Variants in GRIK3 observed in about 807,000 individuals in gnomAD.
GRIK3 encodes the protein glutamate ionotropic receptor kainate type subunit 3, also known as glutamate receptor ionotropic, kainate 3.
Under a neutral mutation model 102.5 loss-of-function variants are expected in GRIK3, and 29 were observed. The observed-to-expected ratio is 0.28, with a 90% CI of 0.21 to 0.39. The LOEUF is 0.39. Among genes scored for constraint, GRIK3 ranks in the 10% least tolerant of loss-of-function variants. The probability of loss-of-function intolerance (pLI) is 1.00; values close to 1 mark genes in which losing one functional copy is unlikely to be tolerated. For synonymous variants in GRIK3, 511 were observed against 504.9 expected (o/e 1.01, Z -0.16); for missense variants, 908 against 1,252.4 (o/e 0.73, Z 4.15).
intron 2 of GRIK3, among the ~76,000 whole-genome samples, chr1:36,881,436 A>T (rs560618235): frequency 6.6e-6 from 1 of 152,212 alleles, no homozygotes; most frequent in East Asian, 1.9e-4. Context: ...CTTCACCTCC[A>T]TAAACAGCAG....
chr1:37,001,192 C>T (rs369559278), intron 1 of GRIK3, among the ~76,000 whole-genome samples: 25 of 152,322 alleles, frequency 1.6e-4, no homozygotes, highest in South Asian at 4.1e-4. Context: ...CTCAGAAAGA[C>T]GAGCTCCCAT....
intron 1 of GRIK3, among the ~76,000 whole-genome samples, chr1:36,903,406 G>A (rs1247902800): frequency 6.6e-6 from 1 of 152,198 alleles, no homozygotes; most frequent in Non-Finnish European, 1.5e-5. Context: ...TGAAAGAAAA[G>A]TTTTTCAATT....
chr1:36,904,156 A>G lies in GRIK3; in HGVS notation c.116-13060T>C, dbSNP rs1252315230. Among the ~76,000 whole-genome samples, 7 of 152,356 alleles carry G rather than the reference A, an allele frequency of 4.6e-5. No homozygotes were observed. The East Asian group carries it at 1.3e-3, about 29-fold the overall frequency. ...CCAAAAAATAAAATCTATTAAAAAG[A>G]AAAAAGGGTAATATTTTAACACGTG... On this transcript the variant is annotated intron_variant, in intron 1 of 15. Transcript: ENST00000373091.
At chr1:36,922,352 C>T (rs966191599) in intron 1 of GRIK3, among the ~76,000 whole-genome samples, 2 of 152,164 alleles carry the variant, frequency 1.3e-5, no homozygotes, top group South Asian at 2.1e-4. Context: ...AGGTACCACC[C>T]GCCCCCTTAA....
At chr1:37,019,556 C>G (rs1642688578) in intron 1 of GRIK3, among the ~76,000 whole-genome samples, 1 of 152,128 alleles carries the variant, frequency 6.6e-6, no homozygotes, top group Non-Finnish European at 1.5e-5. Flanking sequence ...TTGGACCTAC[C>G]ATGAGGACAT....
chr1:36,851,502 G>A (rs1640584925), intron 8 of GRIK3, among the ~76,000 whole-genome samples: 1 of 152,266 alleles, frequency 6.6e-6, no homozygotes, highest in African/African-American at 2.4e-5. Context: ...AGCTCACTTT[G>A]AGCGTGCCTA....
At chr1:36,859,274 G>A in intron 6 of GRIK3, 23 bp from the exon 7 acceptor site, 1 of 1,587,452 alleles carries the variant, frequency 6.3e-7, no homozygotes, top group Non-Finnish European at 8.6e-7. Flanking sequence ...GCCTGCCTGA[G>A]AGCGGCTCCC....
intron 1 of GRIK3, among the ~76,000 whole-genome samples, chr1:36,898,713 T>A (rs1314812153): frequency 6.6e-6 from 1 of 152,136 alleles, no homozygotes; most frequent in African/African-American, 2.4e-5. Flanking sequence ...CTAAAATTCA[T>A]ATGGAATTGC....
intron 1 of GRIK3, among the ~76,000 whole-genome samples, chr1:36,910,141 C>T (rs958633117): frequency 1.3e-5 from 2 of 152,206 alleles, no homozygotes; most frequent in Non-Finnish European, 2.9e-5. Flanking sequence ...TGGCCTGGCC[C>T]AGAGTGCAGT....
chr1:36,998,635 G>A (rs531181451), intron 1 of GRIK3, among the ~76,000 whole-genome samples: 16 of 152,282 alleles, frequency 1.1e-4, no homozygotes, highest in South Asian at 4.1e-4. Context: ...TGAGCCTCCC[G>A]ATGGGTTTGT....
At chr1:37,032,922 A>G (rs780806378) in intron 1 of GRIK3, among the ~76,000 whole-genome samples, 2 of 152,146 alleles carry the variant, frequency 1.3e-5, no homozygotes, top group Non-Finnish European at 2.9e-5. Context: ...GCCCTGAAGA[A>G]GAGCTGTAGA....
chr1:36,992,799 T>A (rs958466149), intron 1 of GRIK3, among the ~76,000 whole-genome samples: 22 of 151,982 alleles, frequency 1.4e-4, no homozygotes, highest in South Asian at 2.1e-4. Flanking sequence ...CTCTGTGAGG[T>A]GAGTACACCA....
At chr1:37,021,736 G>A (rs1279835917) in intron 1 of GRIK3, among the ~76,000 whole-genome samples, 1 of 152,176 alleles carries the variant, frequency 6.6e-6, no homozygotes, top group African/African-American at 2.4e-5. Context: ...CCTGGCCTCA[G>A]GGGAGAGCTC....
chr1:36,842,494 C>G (rs1640468503), intron 9 of GRIK3, among the ~76,000 whole-genome samples: 1 of 152,226 alleles, frequency 6.6e-6, no homozygotes. Context: ...GCTCTAACTT[C>G]TCTTCCAACT....
intron 10 of GRIK3, among the ~76,000 whole-genome samples, chr1:36,826,514 A>T (rs1642756313): frequency 6.6e-6 from 1 of 152,036 alleles, no homozygotes; most frequent in Non-Finnish European, 1.5e-5. Flanking sequence ...CAAAAAATTA[A>T]AAAGTTAGCT....
chr1:37,030,151 C>A (rs548475784), intron 1 of GRIK3, among the ~76,000 whole-genome samples: 1 of 152,302 alleles, frequency 6.6e-6, no homozygotes, highest in South Asian at 2.1e-4. Context: ...TAAGGCCCCG[C>A]GGGCCACTCC....
At chr1:36,818,102 C>T (rs968802457) in intron 12 of GRIK3, among the ~76,000 whole-genome samples, 3 of 152,108 alleles carry the variant, frequency 2.0e-5, no homozygotes, top group Non-Finnish European at 4.4e-5. Flanking sequence ...ATCTGAAAAC[C>T]GTCTGCTTTG....
chr1:37,000,255 T>C (rs571213188), intron 1 of GRIK3, among the ~76,000 whole-genome samples: 1 of 152,334 alleles, frequency 6.6e-6, no homozygotes, highest in East Asian at 1.9e-4. Context: ...AAGACAGGTG[T>C]TATTTTTATT....
At chr1:36,803,937 AGT>A (rs1448971920) in intron 15 of GRIK3, among the ~76,000 whole-genome samples, 4 of 152,216 alleles carry the variant, frequency 2.6e-5, no homozygotes, top group Non-Finnish European at 2.9e-5. Flanking sequence ...CCACTTACAC[AGT>A]GTACATTTCT....
Sources: allele counts gnomAD v4.1 joint callset (sites outside exome capture counted in the v4.1 genomes callset), GRCh38; gene constraint gnomAD v4.1.1; transcripts MANE v1.5; gene names NCBI Gene and HGNC (gene_info 2026-07-23, HGNC 2026-07-21).